Variants in ADGRL3 observed in about 807,000 individuals in gnomAD.
ADGRL3 encodes adhesion G protein-coupled receptor L3.
Under a neutral mutation model 153.5 loss-of-function variants are expected in ADGRL3, and 62 were observed. The observed-to-expected ratio is 0.40, with a 90% confidence interval of 0.33 to 0.50. The LOEUF is 0.50. Among genes scored for constraint, ADGRL3 ranks in the 20% least tolerant of loss-of-function variants. ADGRL3 has a pLI of 0.47. For missense variants in ADGRL3, 1,641 were observed against 1,859.4 expected, an observed-to-expected ratio of 0.88 and a Z score of 2.16; for synonymous variants, 710 against 672.5, an observed-to-expected ratio of 1.06 and a Z score of -0.86.
intron 9 of ADGRL3, among the ~76,000 whole-genome samples, chr4:61,845,086 T>C (rs1332161943): frequency 6.6e-6 from 1 of 152,164 alleles, no homozygotes; most frequent in Non-Finnish European, 1.5e-5. Context: ...TGTGGCTAGG[T>C]GTAGTCATCA....
intron 5 of ADGRL3, among the ~76,000 whole-genome samples, chr4:61,615,887 G>A (rs769924983): frequency 2.0e-5 from 3 of 152,032 alleles, no homozygotes; most frequent in Non-Finnish European, 4.4e-5. Context: ...CAAAGGCAGG[G>A]TTCTTTTCAA....
intron 9 of ADGRL3, among the ~76,000 whole-genome samples, chr4:61,858,708 T>C (rs1561371376): frequency 6.6e-6 from 1 of 152,234 alleles, no homozygotes; most frequent in Admixed American, 6.5e-5. Context: ...CTTTTGTTTG[T>C]TTGTTTGTTT....
In ADGRL3 at chr4:62,048,859, T is replaced by A. The variant is rs141306086; in HGVS notation, c.3814+4310T>A. On this transcript the variant is annotated intron_variant, in intron 25 of 26. Coordinates refer to ENST00000683033, the MANE Select transcript of ADGRL3 (RefSeq NM_001387552.1). The stretch of plus-strand genomic sequence containing the variant: ...AGAGCCTCTGTGCCTAGCCTTGAAC[T>A]ATTTAGATTAACAATACCTCTAAAA... 2.5e-3 allele frequency among the ~76,000 whole-genome samples: 377 copies of A among 152,204 alleles called. 1 individual carries two copies. The highest frequency in any genetic ancestry group is 8.6e-3 in the African/African-American group (358 of 41,544).
intron 8 of ADGRL3, among the ~76,000 whole-genome samples, chr4:61,783,777 T>C (rs1477374384): frequency 6.6e-6 from 1 of 152,058 alleles, no homozygotes; most frequent in Admixed American, 6.5e-5. Context: ...TTAATAATAA[T>C]AAATCTTAAA....
intron 9 of ADGRL3, among the ~76,000 whole-genome samples, chr4:61,876,288 G>GT (rs1008381525): frequency 1.6e-3 from 21 of 13,500 alleles, no homozygotes; most frequent in East Asian, 3.7e-3. Flanking sequence ...ATCCAATTTT[G>GT]TTTTTTTTTT....
intron 1 of ADGRL3, among the ~76,000 whole-genome samples, chr4:61,362,069 C>T (rs2096291585): frequency 6.6e-6 from 1 of 150,734 alleles, no homozygotes; most frequent in African/African-American, 2.4e-5. Flanking sequence ...GTGGCATAAT[C>T]TCTACTCACT....
intron 1 of ADGRL3, among the ~76,000 whole-genome samples, chr4:61,374,784 C>A (rs1035848496): frequency 6.6e-6 from 1 of 151,914 alleles, no homozygotes; most frequent in Non-Finnish European, 1.5e-5. Flanking sequence ...CACATTCTGC[C>A]CCCTGCACAG....
In ADGRL3 at chr4:61,266,340, A is replaced by G. The variant is rs186516526; in HGVS notation, c.-240+64575A>G. ...CTCTTACATCTTTAAATGCATTTGTAGATACTTTTAGATTAAATTGTGCTC... is the reference window on the plus strand; with the variant it reads ...CTCTTACATCTTTAAATGCATTTGTGGATACTTTTAGATTAAATTGTGCTC... On this transcript the variant is annotated intron_variant, in intron 1 of 26. Coordinates refer to ENST00000683033, the MANE Select transcript of ADGRL3 (RefSeq NM_001387552.1). Among the ~76,000 whole-genome samples the G allele has an allele frequency of 2.6e-5, 4 of 151,924 alleles. No individual in the cohort carries two copies. In the East Asian group the frequency reaches 7.7e-4, roughly 29 times the overall value.
chr4:61,852,003 T>G (rs937037747), intron 9 of ADGRL3, among the ~76,000 whole-genome samples: 3 of 152,172 alleles, frequency 2.0e-5, no homozygotes, highest in Non-Finnish European at 1.5e-5. Flanking sequence ...AAATGTATGG[T>G]TAGTGTCTAA....
chr4:61,206,985 A>AAAAT (rs575017393), intron 1 of ADGRL3, among the ~76,000 whole-genome samples: 6,285 of 150,978 alleles, frequency 0.042, 243 homozygotes, highest in African/African-American at 0.094. Flanking sequence ...TGTGTCTCAA[A>AAAAT]AAATAAATAA....
chr4:61,343,003 G>C (rs939052803), intron 1 of ADGRL3, among the ~76,000 whole-genome samples: 3 of 152,152 alleles, frequency 2.0e-5, no homozygotes, highest in African/African-American at 7.2e-5. Flanking sequence ...CAGACAAAGA[G>C]AGAAAAATGA....
intron 17 of ADGRL3, among the ~76,000 whole-genome samples, chr4:61,958,876 A>C (rs1484285340): frequency 6.6e-6 from 1 of 152,138 alleles, no homozygotes; most frequent in African/African-American, 2.4e-5. Context: ...AGCCTGTCTC[A>C]TCTACTTGTA....
At chr4:61,488,374 G>T (rs2098220506) in intron 2 of ADGRL3, among the ~76,000 whole-genome samples, 1 of 151,992 alleles carries the variant, frequency 6.6e-6, no homozygotes, top group African/African-American at 2.4e-5. Context: ...CAGATGATGT[G>T]TTGAGATTTA....
chr4:61,671,029 C>A (rs1249360713), intron 5 of ADGRL3, among the ~76,000 whole-genome samples: 1 of 152,162 alleles, frequency 6.6e-6, no homozygotes, highest in East Asian at 1.9e-4. Flanking sequence ...AGGGGTGGTA[C>A]AGGTGTGTTC....
intron 4 of ADGRL3, among the ~76,000 whole-genome samples, chr4:61,580,519 C>G (rs2098919871): frequency 6.6e-6 from 1 of 152,028 alleles, no homozygotes; most frequent in Non-Finnish European, 1.5e-5. Flanking sequence ...TGGTTCTGGG[C>G]TGTATTGGAT....
intron 21 of ADGRL3, among the ~76,000 whole-genome samples, chr4:62,007,470 GTA>G (rs199589568): frequency 1.2e-4 from 15 of 124,426 alleles, no homozygotes; most frequent in East Asian, 6.6e-4. Context: ...ATATGTGTGT[GTA>G]TATATATATA....
chr4:61,370,248 T>C (rs957199437), intron 1 of ADGRL3, among the ~76,000 whole-genome samples: 1 of 150,234 alleles, frequency 6.7e-6, no homozygotes, highest in African/African-American at 2.4e-5. Context: ...GCTCTGATTT[T>C]AGTTATTTCT....
intron 17 of ADGRL3, among the ~76,000 whole-genome samples, chr4:61,964,972 C>T (rs988974095): frequency 2.0e-5 from 3 of 152,046 alleles, no homozygotes; most frequent in Non-Finnish European, 4.4e-5. Flanking sequence ...TTTAACATGG[C>T]AACATTTCCG....
At chr4:61,960,860 C>T (rs2098985139) in intron 17 of ADGRL3, among the ~76,000 whole-genome samples, 1 of 152,062 alleles carries the variant, frequency 6.6e-6, no homozygotes, top group Admixed American at 6.5e-5. Flanking sequence ...CAGGCGTGCG[C>T]CACCACACCG....
Sources: allele counts gnomAD v4.1 joint callset (sites outside exome capture counted in the v4.1 genomes callset), GRCh38; gene constraint gnomAD v4.1.1; transcripts MANE v1.5; gene names NCBI Gene and HGNC (gene_info 2026-07-23, HGNC 2026-07-21).